TEX14: variants seen among roughly 807,000 people sequenced by gnomAD.
TEX14 encodes testis expressed 14, intercellular bridge forming factor, also known as inactive serine/threonine-protein kinase TEX14.
In TEX14, 168 loss-of-function variants were observed where a neutral mutation model predicts 178.6. The observed-to-expected ratio is 0.94, with a 90% CI of 0.83 to 1.07. TEX14 has a LOEUF of 1.07. Ranked by LOEUF, TEX14 falls within the 50% of genes least tolerant of loss-of-function variation. The pLI is 0.00. For missense variants in TEX14, 1,730 were observed against 1,753.6 expected (o/e 0.99, Z 0.24); for synonymous variants, 626 against 634.1 (o/e 0.99, Z 0.19).
intron 8 of TEX14, among the ~76,000 whole-genome samples, chr17:58,614,068 A>T (rs2045813339): frequency 6.6e-6 from 1 of 152,368 alleles, no homozygotes; most frequent in Admixed American, 6.5e-5. Flanking sequence ...GCTTAGAGCC[A>T]TCAATGACAA....
Position 58,556,697 on chromosome 17 carries a change from A to C in TEX14, c.*314T>G, listed in dbSNP as rs2044142635. On this transcript the variant is annotated 3_prime_UTR_variant, in exon 32 of 32. Transcript: ENST00000349033. ...GCAAAATCTGTTATTAAAATTAAACATTTTATTATATAACAAGAGTTAAAG... is the reference window on the plus strand; with the variant it reads ...GCAAAATCTGTTATTAAAATTAAACCTTTTATTATATAACAAGAGTTAAAG... 3.2e-6 allele frequency: 1 copy of C among 314,028 alleles called. No homozygotes were observed. The highest frequency in any genetic ancestry group is 5.8e-6 in the Non-Finnish European group (1 of 171,508). 19.5% of individuals were successfully genotyped at this position (314,028 alleles called of 1,614,324 possible).
chr17:58,574,042 T>G, intron 22 of TEX14, 145 bp downstream of exon 22: 1 of 665,514 alleles, frequency 1.5e-6, no homozygotes, highest in South Asian at 1.7e-5. Flanking sequence ...ACCAATTTGA[T>G]AACAACTTTT....
At chr17:58,623,823 G>A (rs942521593) in intron 3 of TEX14, among the ~76,000 whole-genome samples, 3 of 146,168 alleles carry the variant, frequency 2.1e-5, no homozygotes, top group African/African-American at 7.5e-5. Flanking sequence ...GAGGGAAGGG[G>A]AGGGGGAGGC....
chr17:58,583,442 T>G (rs77457886), intron 19 of TEX14, among the ~76,000 whole-genome samples: 1 of 152,064 alleles, frequency 6.6e-6, no homozygotes, highest in East Asian at 1.9e-4. Flanking sequence ...ATTTTTACAT[T>G]TTTTTGTAGG....
At chr17:58,611,110 C>A (rs763693774) in intron 10 of TEX14, 51 bp downstream of exon 10, 2 of 1,384,276 alleles carry the variant, frequency 1.4e-6, no homozygotes, top group Non-Finnish European at 1.0e-6. Context: ...TAGGAAGGGT[C>A]CCCAAGGGAG....
intron 14 of TEX14, among the ~76,000 whole-genome samples, chr17:58,597,152 C>T (rs532542679): frequency 6.6e-6 from 1 of 152,222 alleles, no homozygotes; most frequent in Non-Finnish European, 1.5e-5. Context: ...AATCCTAGCA[C>T]TTTGGGAGGC....
At chr17:58,605,214 C>G in intron 10 of TEX14, 85 bp from the exon 11 acceptor site, 1 of 1,474,242 alleles carries the variant, frequency 6.8e-7, no homozygotes. Flanking sequence ...TTCATTCATT[C>G]AGAGTCTTGC....
At chr17:58,591,839 C>T (rs1055115433) in intron 15 of TEX14, among the ~76,000 whole-genome samples, 4 of 151,790 alleles carry the variant, frequency 2.6e-5, no homozygotes, top group Non-Finnish European at 5.9e-5. Context: ...GGGTGGATGA[C>T]CTGAGGTCAG....
At chr17:58,636,103 G>C (rs1281810816) in intron 2 of TEX14, among the ~76,000 whole-genome samples, 1 of 152,116 alleles carries the variant, frequency 6.6e-6, no homozygotes, top group African/African-American at 2.4e-5. Context: ...AATCTTGAGG[G>C]GATACAGGTG....
intron 29 of TEX14, among the ~76,000 whole-genome samples, chr17:58,560,835 T>A (rs2044259097): frequency 6.6e-6 from 1 of 152,230 alleles, no homozygotes; most frequent in Non-Finnish European, 1.5e-5. Flanking sequence ...ATTACCGTCA[T>A]CTGGACAGTA....
At chr17:58,660,554 AG>A in intron 1 of TEX14, 1 of 776,218 alleles carries the variant, frequency 1.3e-6, no homozygotes, top group Non-Finnish European at 2.4e-6. Flanking sequence ...TGCACCCTGC[AG>A]TCCTGCGGTG....
At chr17:58,625,618 T>C (rs1169584740) in intron 3 of TEX14, among the ~76,000 whole-genome samples, 1 of 152,234 alleles carries the variant, frequency 6.6e-6, no homozygotes, top group African/African-American at 2.4e-5. Flanking sequence ...CATATTTATT[T>C]ATTGTAAAGC....
rs760430037 is a variant in TEX14 at position 58,599,630 on chromosome 17, A to G, written c.1715T>C (p.Phe572Ser). ...QPHSPRVHSL[F>S]TEGTLDPQAP... ...CTGAGGATCTAGTGTCCCCTCAGTG[A>G]ATAAAGAGTGAACCCTTGGTGAATG... Residue 572 changes from phenylalanine (F) to serine (S), a missense_variant, in exon 14 of 32, where the codon TTC becomes TCC. This residue lies in a region of TEX14 where 941 missense variants were observed against 1,072.4 expected (regional missense o/e 0.88). Coordinates refer to ENST00000349033, the MANE Select transcript of TEX14 (RefSeq NM_031272.5). 1.2e-6 allele frequency: 2 copies of G among 1,613,730 alleles called. No individual in the cohort carries two copies. The highest frequency in any genetic ancestry group is 3.3e-5 in the Admixed American group (2 of 59,992).
intron 8 of TEX14, 43 bp from the exon 9 acceptor site, chr17:58,613,587 G>T (rs778427816): frequency 2.5e-6 from 4 of 1,569,934 alleles, no homozygotes; most frequent in East Asian, 4.5e-5. Flanking sequence ...GTGAGAGGAG[G>T]ATATGATGAA....
chr17:58,617,071 C>T (rs1243586428), intron 6 of TEX14, among the ~76,000 whole-genome samples: 2 of 152,044 alleles, frequency 1.3e-5, no homozygotes, highest in South Asian at 2.1e-4. Flanking sequence ...GGCAACATGG[C>T]GAAATCCCAT....
At chr17:58,658,195 C>G (rs1185879783) in intron 1 of TEX14, among the ~76,000 whole-genome samples, 1 of 152,194 alleles carries the variant, frequency 6.6e-6, no homozygotes, top group East Asian at 1.9e-4. Flanking sequence ...ACTCCGGTCT[C>G]CTGCACAGCT....
chr17:58,581,331 A>AT (rs2044812250), intron 19 of TEX14, among the ~76,000 whole-genome samples: 1 of 151,920 alleles, frequency 6.6e-6, no homozygotes, highest in South Asian at 2.1e-4. Flanking sequence ...AAAAAAAAAA[A>AT]GTTTTGAAAA....
rs2045737012 is a variant in TEX14, at chr17:58,611,208, G to A, written c.1137C>T (p.Ile379=). Residue 379 remains isoleucine, a synonymous_variant, in exon 10 of 32, where the codon ATC becomes ATT. Transcript: ENST00000349033. ...RSLSSYAVHI[I]SPGEARLTNL... ...TGGTCAGCCTCGCTTCACCTGGGGA[G>A]ATGATATGGACAGCATAGGAGCTGA... 1 of 1,613,882 alleles carries A rather than the reference G, an allele frequency of 6.2e-7. No homozygotes were observed. The highest frequency in any genetic ancestry group is 2.2e-5 in the East Asian group (1 of 44,890).
intron 1 of TEX14, chr17:58,659,203 TC>T (rs2047046505): frequency 3.8e-6 from 1 of 264,920 alleles, no homozygotes; most frequent in South Asian, 1.4e-4. Context: ...AGCCGAGTTT[TC>T]TCATTCGGGG....
Sources: gnomAD v4.1 joint callset for allele counts (sites outside exome capture counted in the v4.1 genomes callset) on GRCh38, gnomAD v4.1.1 for gene constraint, gnomAD v4.1.1 regional missense constraint, MANE v1.5 for transcripts, NCBI Gene and HGNC (gene_info 2026-07-23, HGNC 2026-07-21) for gene names.